The following ALK variants were observed in gnomAD, a reference collection of about 807,000 sequenced individuals.
ALK encodes the protein ALK receptor tyrosine kinase.
In ALK, 74 loss-of-function variants were observed where a neutral mutation model predicts 163.1. The observed-to-expected ratio is 0.45, with a 90% CI of 0.38 to 0.55. The LOEUF (loss-of-function observed/expected upper bound fraction) is 0.55, where lower values mean the gene tolerates loss of function less well. ALK is among the 20% of genes least tolerant of loss of function. The probability of loss-of-function intolerance (pLI) is 0.00; values close to 1 mark genes in which losing one functional copy is unlikely to be tolerated. For missense variants in ALK, 2,063 were observed against 2,105.3 expected (o/e 0.98, Z 0.39); for synonymous variants, 960 against 843.2 (o/e 1.14, Z -2.40).
Position 29,830,650 on chromosome 2 carries a change from C to T in ALK, c.667+89343G>A, listed in dbSNP as rs1265003294. On this transcript the variant is annotated intron_variant, in intron 1 of 28. Coordinates refer to ENST00000389048, the MANE Select transcript of ALK (RefSeq NM_004304.5). ...TCAGGAGACTGAGGGAGGAGGATTG[C>T]TTGAGGTCAGGAGTTGAAGACCAGC... Among the ~76,000 whole-genome samples the T allele has an allele frequency of 3.1e-5, 4 of 130,360 alleles. No individual in the cohort carries two copies. In the Admixed American group the frequency reaches 3.7e-4, roughly 12 times the overall value. The allele number at this position is 130,360 out of a possible 152,430, so 85.5% of individuals were successfully genotyped here.
At chr2:29,757,593 T>TTGTGTG (rs35768373) in intron 1 of ALK, among the ~76,000 whole-genome samples, 1,743 of 148,310 alleles carry the variant, frequency 0.012, 19 homozygotes, top group South Asian at 0.053. Flanking sequence ...TTTTGTTTGT[T>TTGTGTG]TGTGTGTGTG....
rs181680967 is a variant in ALK, at chr2:29,655,008, C to T, written c.952+39842G>A. On this transcript the variant is annotated intron_variant, in intron 3 of 28. Transcript: ENST00000389048. ...AAGAAAACAAGTTCTTTTGTTCTAC[C>T]AACTGAAGACATCTTCAAAAGCTGA... Among the ~76,000 whole-genome samples, 487 of 152,134 alleles carry T rather than the reference C, an allele frequency of 3.2e-3. 3 individuals carry two copies. Among genetic ancestry groups the T allele is most frequent in the Non-Finnish European group, 5.7e-3 (387 of 68,014 alleles).
chr2:29,683,637 G>C (rs1678148852), intron 3 of ALK, among the ~76,000 whole-genome samples: 1 of 152,134 alleles, frequency 6.6e-6, no homozygotes, highest in Non-Finnish European at 1.5e-5. Flanking sequence ...CATGATTACT[G>C]CCTCAGGTGA....
chr2:29,264,539 A>G (rs7572957), intron 11 of ALK, among the ~76,000 whole-genome samples: 24,632 of 151,558 alleles, frequency 0.16, 2,848 homozygotes, highest in African/African-American at 0.33. Flanking sequence ...CCATAAGAGT[A>G]GGGCTTGTCT....
At chr2:29,607,889 A>C (rs1299297175) in intron 3 of ALK, among the ~76,000 whole-genome samples, 1 of 151,846 alleles carries the variant, frequency 6.6e-6, no homozygotes, top group African/African-American at 2.4e-5. Flanking sequence ...TTTCAATCTC[A>C]GTAGACCTTC....
At chr2:29,315,628 G>T (rs140989600) in intron 8 of ALK, among the ~76,000 whole-genome samples, 1 of 152,098 alleles carries the variant, frequency 6.6e-6, no homozygotes, top group Non-Finnish European at 1.5e-5. Flanking sequence ...CCCACTCTTC[G>T]CGATGTCATT....
At chr2:29,318,233 T>A (rs1666891021) in intron 8 of ALK, 71 bp downstream of exon 8, 1 of 1,326,084 alleles carries the variant, frequency 7.5e-7, no homozygotes, top group Non-Finnish European at 1.1e-6. Flanking sequence ...GGCTACTTTC[T>A]TAATCTGGGT....
chr2:29,761,635 T>G (rs1025264816), intron 1 of ALK, among the ~76,000 whole-genome samples: 1 of 152,254 alleles, frequency 6.6e-6, no homozygotes, highest in Non-Finnish European at 1.5e-5. Context: ...TTCTGCTGTC[T>G]GCTGGGAACT....
intron 3 of ALK, among the ~76,000 whole-genome samples, chr2:29,532,709 G>A (rs1175520627): frequency 6.6e-6 from 1 of 152,148 alleles, no homozygotes; most frequent in Non-Finnish European, 1.5e-5. Flanking sequence ...AGTAGCACAG[G>A]CCAAATGACC....
intron 3 of ALK, among the ~76,000 whole-genome samples, chr2:29,641,145 T>G (rs968754450): frequency 6.6e-6 from 1 of 152,084 alleles, no homozygotes; most frequent in Non-Finnish European, 1.5e-5. Context: ...GGATTTGTGT[T>G]TTATCCTAAA....
intron 3 of ALK, among the ~76,000 whole-genome samples, chr2:29,685,263 G>A (rs1434911235): frequency 6.6e-6 from 1 of 152,130 alleles, no homozygotes; most frequent in Non-Finnish European, 1.5e-5. Context: ...GCCCTTGGCA[G>A]CTGTTACAGC....
At chr2:29,312,588 G>A (rs1666723845) in intron 8 of ALK, among the ~76,000 whole-genome samples, 1 of 152,132 alleles carries the variant, frequency 6.6e-6, no homozygotes, top group African/African-American at 2.4e-5. Flanking sequence ...ACCCTGCTCC[G>A]ACTTGCTCTA....
At chr2:29,680,327 C>A (rs1678025803) in intron 3 of ALK, among the ~76,000 whole-genome samples, 1 of 152,030 alleles carries the variant, frequency 6.6e-6, no homozygotes, top group Non-Finnish European at 1.5e-5. Context: ...TATAACACTT[C>A]ATGTTGTCCC....
intron 3 of ALK, among the ~76,000 whole-genome samples, chr2:29,563,307 CA>C (rs1218909554): frequency 6.6e-6 from 1 of 152,158 alleles, no homozygotes; most frequent in Non-Finnish European, 1.5e-5. Flanking sequence ...TAGCGCTATT[CA>C]GAAAGGATCA....
intron 8 of ALK, among the ~76,000 whole-genome samples, chr2:29,315,165 G>A (rs1666798740): frequency 6.6e-6 from 1 of 151,716 alleles, no homozygotes; most frequent in South Asian, 2.1e-4. Context: ...GTGGCTGGGC[G>A]AGGCAGAGGT....
chr2:29,640,365 A>G (rs13395915), intron 3 of ALK, among the ~76,000 whole-genome samples: 2,010 of 152,240 alleles, frequency 0.013, 57 homozygotes, highest in African/African-American at 0.046. Context: ...CACTGTCCGC[A>G]TGAGGGTGAG....
chr2:29,666,444 T>C (rs967271679), intron 3 of ALK, among the ~76,000 whole-genome samples: 3 of 152,116 alleles, frequency 2.0e-5, no homozygotes, highest in Non-Finnish European at 2.9e-5. Flanking sequence ...ATCAATGCCC[T>C]TGTATCTCCT....
intron 4 of ALK, among the ~76,000 whole-genome samples, chr2:29,406,916 T>G (rs1260920404): frequency 7.4e-6 from 1 of 135,290 alleles, no homozygotes; most frequent in Non-Finnish European, 1.6e-5. Flanking sequence ...AAAAAAAAAG[T>G]TACAACAGAA....
chr2:29,856,649 G>T (rs937507182), intron 1 of ALK, among the ~76,000 whole-genome samples: 4 of 152,196 alleles, frequency 2.6e-5, no homozygotes, highest in Non-Finnish European at 4.4e-5. Flanking sequence ...TGGGTCAAGT[G>T]GTGCCATCCT....
Sources: allele counts gnomAD v4.1 joint callset (sites outside exome capture counted in the v4.1 genomes callset), GRCh38; gene constraint gnomAD v4.1.1; transcripts MANE v1.5; gene names NCBI Gene and HGNC (gene_info 2026-07-23, HGNC 2026-07-21).